Variants in ALMS1 observed in about 807,000 individuals in gnomAD.
The protein encoded by ALMS1 is centrosome-associated protein ALMS1.
In ALMS1, 271 loss-of-function variants were observed where a neutral mutation model predicts 352.2. That is an observed-to-expected ratio of 0.77 (90% confidence interval 0.70 to 0.85). ALMS1 has a LOEUF of 0.85. ALMS1 is among the 40% of genes least tolerant of loss of function. The pLI, the probability that ALMS1 is intolerant of heterozygous loss-of-function variation, is 0.00. For missense variants in ALMS1, 5,445 were observed against 4,870.7 expected (o/e 1.12, Z -3.51); for synonymous variants, 1,865 against 1,761.2 (o/e 1.06, Z -1.48).
chr2:73,502,520 T>C (rs1673238656), intron 10 of ALMS1, among the ~76,000 whole-genome samples: 1 of 152,160 alleles, frequency 6.6e-6, no homozygotes, highest in African/African-American at 2.4e-5. Context: ...AGTAGTGTTT[T>C]GTCATTAAGT....
Position 73,453,234 on chromosome 2 carries a change from C to G in ALMS1, c.6707C>G (p.Pro2236Arg). 1 of 1,613,888 alleles carries G rather than the reference C, an allele frequency of 6.2e-7. No individual in the cohort carries two copies. The highest frequency in any genetic ancestry group is 8.5e-7 in the Non-Finnish European group (1 of 1,179,938). Reference protein sequence around the residue: ...QADDRVVINKPESAGFRDVGS... With the variant: ...QADDRVVINKRESAGFRDVGS... ...GATGACAGAGTTGTAATAAATAAAC[C>G]AGAATCTGCAGGTTTTAGAGATGTT... is the stretch of plus-strand genomic sequence containing the variant. Residue 2236 changes from proline to arginine, a missense_variant, in exon 8 of 23, where the codon CCA (proline) becomes CGA (arginine). Pro to Arg is a moderately radical substitution (Grantham distance 103). Transcript: ENST00000613296.
chr2:73,569,587 G>T (rs888397173), intron 15 of ALMS1, among the ~76,000 whole-genome samples: 74 of 152,014 alleles, frequency 4.9e-4, no homozygotes, highest in African/African-American at 1.6e-3. Flanking sequence ...TTTCTTTTAA[G>T]AATAAAATTT....
chr2:73,398,504 G>A (rs1008473834), intron 1 of ALMS1, among the ~76,000 whole-genome samples: 2 of 152,120 alleles, frequency 1.3e-5, no homozygotes, highest in Non-Finnish European at 2.9e-5. Flanking sequence ...TTTTGATTGG[G>A]ATTGCGTTGA....
At chr2:73,414,489 G>GTTTTGTTTTTTTTTGT (rs1671145492) in intron 2 of ALMS1, among the ~76,000 whole-genome samples, 4 of 94,252 alleles carry the variant, frequency 4.2e-5, no homozygotes, top group African/African-American at 8.9e-5. Flanking sequence ...TTTTTTTTTT[G>GTTTTGTTTTTTTTTGT]TTTTTTTTTT....
Position 73,490,111 on chromosome 2 carries a change from T to G in ALMS1, c.8152T>G (p.Ser2718Ala). ...MKKFTTSITF[S>A]SHRHSKCISN... ...AAAGTTTACTACCTCCATCACTTTTTCATCTCACCGACATTCTAAATGCAT... is the reference window on the plus strand; with the variant it reads ...AAAGTTTACTACCTCCATCACTTTTGCATCTCACCGACATTCTAAATGCAT... The change falls in exon 10 of 23, where the codon TCA becomes GCA. Residue 2718 changes from serine (S) to alanine (A), a missense_variant. Ser to Ala is a moderately conservative substitution (Grantham distance 99). Coordinates refer to ENST00000613296, the MANE Select transcript of ALMS1 (RefSeq NM_001378454.1). The G allele has an allele frequency of 6.2e-7, 1 of 1,614,194 alleles. No individual in the cohort carries two copies. Among genetic ancestry groups the G allele is most frequent in the African/African-American group, 1.3e-5 (1 of 75,050 alleles).
intron 2 of ALMS1, among the ~76,000 whole-genome samples, chr2:73,412,984 CT>C (rs1341198453): frequency 6.7e-6 from 1 of 149,814 alleles, no homozygotes; most frequent in African/African-American, 2.5e-5. Flanking sequence ...TCAGTTTTTT[CT>C]TTTTTTCTTT....
chr2:73,537,618 T>C (rs114142138), intron 12 of ALMS1, among the ~76,000 whole-genome samples: 2,170 of 152,290 alleles, frequency 0.014, 55 homozygotes, highest in African/African-American at 0.049. Context: ...CTTTACAGAA[T>C]TAATTCAGAG....
intron 7 of ALMS1, among the ~76,000 whole-genome samples, chr2:73,441,294 C>T (rs1671713769): frequency 6.6e-6 from 1 of 152,156 alleles, no homozygotes. Flanking sequence ...TTGCCAGTGC[C>T]ACTGGGGAAG....
intron 12 of ALMS1, among the ~76,000 whole-genome samples, chr2:73,546,061 A>C (rs892733500): frequency 1.3e-5 from 2 of 152,172 alleles, no homozygotes; most frequent in Non-Finnish European, 2.9e-5. Context: ...GTGGACCCTC[A>C]TGGGTTTCTT....
intron 12 of ALMS1, among the ~76,000 whole-genome samples, chr2:73,540,845 C>T (rs942388298): frequency 2.6e-5 from 4 of 152,136 alleles, no homozygotes; most frequent in Non-Finnish European, 4.4e-5. Flanking sequence ...ATGTGTGCAC[C>T]CAATACAGGA....
chr2:73,446,979 ACAT>A (rs1177139491), intron 7 of ALMS1, among the ~76,000 whole-genome samples: 3 of 152,190 alleles, frequency 2.0e-5, no homozygotes, highest in Admixed American at 2.0e-4. Flanking sequence ...ACCATCTGAC[ACAT>A]CATATGTTTT....
At chr2:73,578,162 G>A (rs752095623) in intron 16 of ALMS1, among the ~76,000 whole-genome samples, 38 of 152,098 alleles carry the variant, frequency 2.5e-4, no homozygotes, top group Non-Finnish European at 3.1e-4. Context: ...AATTTTTAAT[G>A]TAAAGTCTGT....
Position 73,490,460 on chromosome 2 carries a change from A to C in ALMS1, c.8501A>C (p.Lys2834Thr). 6.2e-7 allele frequency: 1 copy of C among 1,614,192 alleles called. No individual in the cohort carries two copies. The highest frequency in any genetic ancestry group is 1.1e-5 in the South Asian group (1 of 91,078). Residue 2834 changes from lysine (K) to threonine (T), a missense_variant, in exon 10 of 23, where the codon AAG becomes ACG. Coordinates refer to ENST00000613296, the MANE Select transcript of ALMS1 (RefSeq NM_001378454.1). ...ACCAGGGCAAATTGTAGCAATTTCA[A>C]GGAAATTCAGATTTCTGATAACCAT... ...PSTRANCSNF[K>T]EIQISDNHTL...
Position 73,599,496 on chromosome 2 carries a change from CAT to C in ALMS1, c.11644_11645del (p.Met3882ValfsTer9), listed in dbSNP as rs1573052379. ...STFCNKQNVHMLNKGIQAGNL... is the reference protein window; with the variant it reads ...STFCNKQNVHXLNKGIQAGNL... ...CTTTTTGCAACAAGCAGAATGTACA[CAT>C]GTTAAACAAGGGCATACAAGCAGGT... is the stretch of plus-strand genomic sequence containing the variant. On this transcript the variant is annotated frameshift_variant, in exon 17 of 23. Transcript: ENST00000613296. LOFTEE classifies it high-confidence loss of function. 1.2e-6 allele frequency: 2 copies of C among 1,613,646 alleles called. No homozygotes were observed. Among genetic ancestry groups the C allele is most frequent in the Non-Finnish European group, 1.7e-6 (2 of 1,179,700 alleles).
chr2:73,492,910 G>A (rs1404457155), intron 10 of ALMS1, among the ~76,000 whole-genome samples: 1 of 150,136 alleles, frequency 6.7e-6, no homozygotes, highest in African/African-American at 2.5e-5. Context: ...GCTAATTTTT[G>A]TATTTTTAGT....
chr2:73,421,202 C>A lies in ALMS1; in HGVS notation c.647-1655C>A, dbSNP rs142205759. Among the ~76,000 whole-genome samples, 804 of 152,254 alleles carry A rather than the reference C, an allele frequency of 5.3e-3. 3 individuals carry two copies. The highest frequency in any genetic ancestry group is 8.2e-3 in the Non-Finnish European group (560 of 67,984). ...CTGCTTGTAACTTACTTGTTACTTA[C>A]TATTCCTTACTTATACTTAAATAGC... is the stretch of plus-strand genomic sequence containing the variant. On this transcript the variant is annotated intron_variant, in intron 3 of 22. Transcript: ENST00000613296.
At chr2:73,511,601 C>G (rs1184439706) in intron 10 of ALMS1, among the ~76,000 whole-genome samples, 1 of 152,154 alleles carries the variant, frequency 6.6e-6, no homozygotes, top group Non-Finnish European at 1.5e-5. Context: ...CAGACTGGAG[C>G]TGTTCTATTT....
intron 9 of ALMS1, among the ~76,000 whole-genome samples, chr2:73,466,405 G>A (rs1216098360): frequency 6.8e-6 from 1 of 146,098 alleles, no homozygotes; most frequent in Non-Finnish European, 1.5e-5. Flanking sequence ...AACACCACAT[G>A]TTCTCACTCA....
intron 7 of ALMS1, among the ~76,000 whole-genome samples, chr2:73,432,502 G>C (rs896828232): frequency 6.6e-6 from 1 of 152,144 alleles, no homozygotes; most frequent in African/African-American, 2.4e-5. Flanking sequence ...ACAGAAATTT[G>C]TTTCTTGCAG....
Sources: gnomAD v4.1 joint callset for allele counts (sites outside exome capture counted in the v4.1 genomes callset) on GRCh38, gnomAD v4.1.1 for gene constraint, MANE v1.5 for transcripts, NCBI Gene and HGNC (gene_info 2026-07-23, HGNC 2026-07-21) for gene names.